The following SYNJ2BP variants were observed in gnomAD, a reference collection of about 807,000 sequenced individuals.
SYNJ2BP encodes the protein synaptojanin 2 binding protein.
In SYNJ2BP, 10 loss-of-function variants were observed where a neutral mutation model predicts 16.9. That is an observed-to-expected ratio of 0.59 (90% confidence interval 0.36 to 1.00). The LOEUF is 1.00. Among genes scored for constraint, SYNJ2BP ranks in the 50% least tolerant of loss-of-function variants. The pLI, the probability that SYNJ2BP is intolerant of heterozygous loss-of-function variation, is 0.01. For synonymous variants in SYNJ2BP, 54 were observed against 68.4 expected, an observed-to-expected ratio of 0.79 and a Z score of 1.04; for missense variants, 162 against 186.7, an observed-to-expected ratio of 0.87 and a Z score of 0.77.
intron 1 of SYNJ2BP, among the ~76,000 whole-genome samples, chr14:70,412,155 A>C (rs1278779624): frequency 6.6e-6 from 1 of 152,196 alleles, no homozygotes; most frequent in Non-Finnish European, 1.5e-5. Flanking sequence ...GCAAGCAATA[A>C]AAACTTTCCA....
intron 2 of SYNJ2BP, among the ~76,000 whole-genome samples, chr14:70,382,498 T>C (rs1278415480): frequency 6.6e-6 from 1 of 152,210 alleles, no homozygotes; most frequent in Non-Finnish European, 1.5e-5. Flanking sequence ...GATCTCATAA[T>C]GCAGAGTTTG....
rs1421126977 is a variant in SYNJ2BP at position 70,368,060 on chromosome 14, A to T, written c.*4931T>A. ...AACTACATGAACTTCACTTCCCCAC[A>T]TACCTGACAGCCTATACACTTCCTT... On this transcript the variant is annotated 3_prime_UTR_variant, in exon 4 of 4. Transcript: ENST00000256366. The T allele has an allele frequency of 6.6e-6, 1 of 151,976 alleles. No individual in the cohort carries two copies. 9.4% of individuals were successfully genotyped at this position (151,976 alleles called of 1,614,324 possible).
intron 1 of SYNJ2BP, among the ~76,000 whole-genome samples, chr14:70,405,432 C>A (rs1566624123): frequency 6.6e-6 from 1 of 151,730 alleles, no homozygotes; most frequent in Non-Finnish European, 1.5e-5. Flanking sequence ...TACTTTTGCA[C>A]CAACCTAATA....
At chr14:70,406,908 T>C (rs1284001822) in intron 1 of SYNJ2BP, among the ~76,000 whole-genome samples, 1 of 152,222 alleles carries the variant, frequency 6.6e-6, no homozygotes, top group Non-Finnish European at 1.5e-5. Context: ...ATGAAACTCT[T>C]TCTCTATTGC....
At chr14:70,416,258 T>A (rs1054474037) in intron 1 of SYNJ2BP, among the ~76,000 whole-genome samples, 11 of 151,148 alleles carry the variant, frequency 7.3e-5, no homozygotes, top group Admixed American at 2.0e-4. Context: ...ATAAATAAAA[T>A]AAATCTGTAT....
intron 1 of SYNJ2BP, among the ~76,000 whole-genome samples, chr14:70,393,787 A>T (rs190406586): frequency 6.7e-6 from 1 of 150,000 alleles, no homozygotes; most frequent in East Asian, 2.0e-4. Flanking sequence ...GGAACATCAT[A>T]CACCAGGGCC....
intron 1 of SYNJ2BP, among the ~76,000 whole-genome samples, chr14:70,394,949 G>A (rs1888059011): frequency 6.6e-6 from 1 of 152,184 alleles, no homozygotes; most frequent in Admixed American, 6.5e-5. Flanking sequence ...GTCAGGCTGT[G>A]TGATTCCAAA....
At chr14:70,379,725 T>G (rs912526384) in intron 2 of SYNJ2BP, among the ~76,000 whole-genome samples, 1 of 152,216 alleles carries the variant, frequency 6.6e-6, no homozygotes. Flanking sequence ...CCTGACAGAA[T>G]AGGTGTGAGA....
At chr14:70,416,648 G>C (rs983562825) in intron 1 of SYNJ2BP, among the ~76,000 whole-genome samples, 5 of 152,172 alleles carry the variant, frequency 3.3e-5, no homozygotes, top group African/African-American at 1.2e-4. Flanking sequence ...AGCACGATTT[G>C]CACAAAGAAC....
At chr14:70,376,645 C>T (rs1476343942) in intron 2 of SYNJ2BP, among the ~76,000 whole-genome samples, 1 of 152,192 alleles carries the variant, frequency 6.6e-6, no homozygotes, top group Non-Finnish European at 1.5e-5. Flanking sequence ...ACTTTACATA[C>T]ATTATCTCTT....
chr14:70,405,834 G>A (rs548020870), intron 1 of SYNJ2BP, among the ~76,000 whole-genome samples: 98 of 152,264 alleles, frequency 6.4e-4, no homozygotes, highest in African/African-American at 2.3e-3. Flanking sequence ...AATAAAAAGA[G>A]AAAAAGATGT....
chr14:70,391,671 G>A (rs976266413), intron 1 of SYNJ2BP, among the ~76,000 whole-genome samples: 4 of 152,158 alleles, frequency 2.6e-5, no homozygotes, highest in African/African-American at 9.7e-5. Flanking sequence ...TGAATGCAAT[G>A]TAGTAGTTAG....
intron 1 of SYNJ2BP, among the ~76,000 whole-genome samples, chr14:70,398,540 G>A (rs554607327): frequency 6.6e-5 from 10 of 152,294 alleles, no homozygotes; most frequent in South Asian, 2.1e-4. Context: ...ACACTGGGCC[G>A]GGCTTTGACA....
intron 3 of SYNJ2BP, 102 bp from the exon 4 acceptor site, chr14:70,373,233 C>T (rs1887555682): frequency 1.4e-6 from 2 of 1,473,122 alleles, no homozygotes; most frequent in African/African-American, 1.4e-5. Flanking sequence ...CTAGACCACC[C>T]AAAACTGTAA....
At chr14:70,389,907 A>G (rs2332370) in intron 1 of SYNJ2BP, among the ~76,000 whole-genome samples, 15,986 of 152,262 alleles carry the variant, frequency 0.1, 1,031 homozygotes, top group Admixed American at 0.15. Flanking sequence ...ACTATTTTAA[A>G]TGCATATAAT....
chr14:70,411,127 A>G (rs1241654107), intron 1 of SYNJ2BP, among the ~76,000 whole-genome samples: 1 of 152,228 alleles, frequency 6.6e-6, no homozygotes, highest in African/African-American at 2.4e-5. Flanking sequence ...GTTATTTATA[A>G]TGATTCAGGG....
intron 2 of SYNJ2BP, among the ~76,000 whole-genome samples, chr14:70,384,740 G>T (rs1387760864): frequency 6.6e-6 from 1 of 151,970 alleles, no homozygotes; most frequent in Non-Finnish European, 1.5e-5. Context: ...TTGTGAAGAA[G>T]GTACTTGCTT....
chr14:70,380,880 T>C (rs1183854272), intron 2 of SYNJ2BP, among the ~76,000 whole-genome samples: 1 of 152,188 alleles, frequency 6.6e-6, no homozygotes, highest in Non-Finnish European at 1.5e-5. Context: ...ATACTTTGAA[T>C]ACTGTGTAAC....
At chr14:70,400,328 T>C (rs1172828638) in intron 1 of SYNJ2BP, among the ~76,000 whole-genome samples, 1 of 152,220 alleles carries the variant, frequency 6.6e-6, no homozygotes, top group Non-Finnish European at 1.5e-5. Context: ...TGACAGCATA[T>C]ACTCAGACAT....
Sources: gnomAD v4.1 joint callset for allele counts (sites outside exome capture counted in the v4.1 genomes callset) on GRCh38, gnomAD v4.1.1 for gene constraint, MANE v1.5 for transcripts, NCBI Gene and HGNC (gene_info 2026-07-23, HGNC 2026-07-21) for gene names.